The following MAMLD1 variants were observed in gnomAD, a reference collection of about 807,000 sequenced individuals.
The protein encoded by MAMLD1 is mastermind-like domain-containing protein 1.
Under a neutral mutation model 45.0 loss-of-function variants are expected in MAMLD1, and 14 were observed. The observed-to-expected ratio is 0.31, with a 90% CI of 0.21 to 0.49. The LOEUF is 0.49. Ranked by LOEUF, MAMLD1 falls within the 20% of genes least tolerant of loss-of-function variation. The pLI, the probability that MAMLD1 is intolerant of heterozygous loss-of-function variation, is 0.99. For synonymous variants in MAMLD1, 254 were observed against 247.8 expected, an observed-to-expected ratio of 1.02 and a Z score of -0.24; for missense variants, 543 against 603.6, an observed-to-expected ratio of 0.90 and a Z score of 1.05.
chrX:150,449,959 T>A (rs2035609576), intron 2 of MAMLD1, among the ~76,000 whole-genome samples: 1 of 111,831 alleles, frequency 8.9e-6, no homozygotes, highest in African/African-American at 3.3e-5. Context: ...GGGTGGAGAC[T>A]GAGGCTCAGA....
intron 1 of MAMLD1, among the ~76,000 whole-genome samples, chrX:150,440,109 T>A (rs1335307726): frequency 4.5e-5 from 5 of 111,564 alleles, no homozygotes; most frequent in Admixed American, 1.9e-4. Flanking sequence ...TTTGAGGTGA[T>A]CACATGATTT....
intron 5 of MAMLD1, among the ~76,000 whole-genome samples, chrX:150,486,225 A>G (rs2036981998): frequency 8.9e-6 from 1 of 111,841 alleles, no homozygotes; most frequent in Non-Finnish European, 1.9e-5. Context: ...CCTTGTGGGC[A>G]CAAGATAGTG....
rs1174092962 is a variant in MAMLD1 at position 150,430,019 on chromosome X, C to CTTTTTTTTTTTTTTT, written c.-63-15425_-63-15411dup. Reference sequence around the variant, plus strand: ...CCATTTTCTTTTCTTTCTTTCTTTTCTTTTTTTTTTTTTTTTTTTTTTTTG... The same window carrying CTTTTTTTTTTTTTTT: ...CCATTTTCTTTTCTTTCTTTCTTTTCTTTTTTTTTTTTTTTTTTTTTTTTTTTTTTTTTTTTTTTG... On this transcript the variant is annotated intron_variant, in intron 1 of 7. Coordinates refer to ENST00000370401, the MANE Select transcript of MAMLD1 (RefSeq NM_005491.5). Among the ~76,000 whole-genome samples, 162 of 49,196 alleles carry CTTTTTTTTTTTTTTT rather than the reference C, an allele frequency of 3.3e-3. 2 individuals are homozygous for CTTTTTTTTTTTTTTT. The highest frequency in any genetic ancestry group is 4.2e-3 in the Non-Finnish European group (126 of 30,017). The allele number at this position is 49,196 out of a possible 115,157, so 42.7% of individuals were successfully genotyped here.
chrX:150,499,099 G>A (rs1049045469), intron 5 of MAMLD1, among the ~76,000 whole-genome samples: 7 of 111,934 alleles, frequency 6.3e-5, no homozygotes, highest in African/African-American at 1.3e-4. Context: ...AACAACGGAG[G>A]TTGGCTTCTG....
intron 2 of MAMLD1, among the ~76,000 whole-genome samples, chrX:150,452,851 T>G (rs1431679018): frequency 9.7e-6 from 1 of 103,475 alleles, no homozygotes; most frequent in African/African-American, 3.5e-5. Flanking sequence ...GAATATGCGG[T>G]GTTTGGTTTT....
chrX:150,507,951 T>A (rs781814904), intron 6 of MAMLD1, among the ~76,000 whole-genome samples: 2 of 112,238 alleles, frequency 1.8e-5, no homozygotes, highest in South Asian at 7.4e-4. Flanking sequence ...GGGATGGAGT[T>A]AAGGACCGTT....
At chrX:150,493,929 C>G (rs1007314178) in intron 5 of MAMLD1, among the ~76,000 whole-genome samples, 1 of 110,809 alleles carries the variant, frequency 9.0e-6, no homozygotes, top group South Asian at 3.8e-4. Flanking sequence ...AATCCAGAAA[C>G]AACTACTGTG....
intron 1 of MAMLD1, among the ~76,000 whole-genome samples, chrX:150,398,349 G>GAAGAA (rs2033601167): frequency 1.1e-5 from 1 of 87,304 alleles, no homozygotes; most frequent in African/African-American, 5.0e-5. Flanking sequence ...AAGAGGAAGA[G>GAAGAA]GAAGAGGAAG....
chrX:150,431,420 TA>T lies in MAMLD1; in HGVS notation c.-63-14025del, dbSNP rs367701713. On this transcript the variant is annotated intron_variant, in intron 1 of 7. Transcript: ENST00000370401. The stretch of plus-strand genomic sequence containing the variant: ...CTTGTTTTTTTTTTTTTCTACTTTT[TA>T]AAAAAAAATTAGGTCAAGGGGTACA... Among the ~76,000 whole-genome samples the T allele has an allele frequency of 6.3e-3, 681 of 108,275 alleles. 10 individuals carry two copies. Among genetic ancestry groups the T allele is most frequent in the African/African-American group, 0.022 (650 of 29,680 alleles). 94.0% of individuals were successfully genotyped at this position (108,275 alleles called of 115,157 possible).
At chrX:150,402,747 C>A (rs801220) in intron 1 of MAMLD1, among the ~76,000 whole-genome samples, 66 of 111,785 alleles carry the variant, frequency 5.9e-4, no homozygotes, top group African/African-American at 1.1e-3. Flanking sequence ...CAGCCATAAA[C>A]AATGATGAGT....
intron 1 of MAMLD1, among the ~76,000 whole-genome samples, chrX:150,392,581 A>C (rs1378327746): frequency 9.1e-6 from 1 of 110,059 alleles, no homozygotes; most frequent in African/African-American, 3.3e-5. Flanking sequence ...ATCTGCTTAC[A>C]TGAGAATTGG....
chrX:150,386,095 A>G (rs1362216459), intron 1 of MAMLD1, among the ~76,000 whole-genome samples: 2 of 79,275 alleles, frequency 2.5e-5, no homozygotes, highest in African/African-American at 1.2e-4. Context: ...GAAATCCTTC[A>G]ACACCCATCT....
At chrX:150,500,903 A>AT (rs200756200) in intron 5 of MAMLD1, among the ~76,000 whole-genome samples, 1,405 of 111,931 alleles carry the variant, frequency 0.013, 21 homozygotes, top group African/African-American at 0.042. Context: ...TCTTTTATTT[A>AT]TTTTTTGTGT....
At chrX:150,507,284 A>G (rs1210338491) in intron 6 of MAMLD1, among the ~76,000 whole-genome samples, 1 of 112,450 alleles carries the variant, frequency 8.9e-6, no homozygotes, top group Non-Finnish European at 1.9e-5. Flanking sequence ...ACCATTTGTC[A>G]TTTCCTGTTT....
At chrX:150,454,522 C>T (rs1468243395) in intron 2 of MAMLD1, among the ~76,000 whole-genome samples, 2 of 111,883 alleles carry the variant, frequency 1.8e-5, no homozygotes, top group Admixed American at 9.4e-5. Context: ...CCCGGTAATT[C>T]AGTTTCAGTT....
At chrX:150,391,824 A>G (rs1346411420) in intron 1 of MAMLD1, among the ~76,000 whole-genome samples, 1 of 111,843 alleles carries the variant, frequency 8.9e-6, no homozygotes, top group Non-Finnish European at 1.9e-5. Flanking sequence ...TTTGGATGGT[A>G]TTCAATTTTA....
At chrX:150,452,958 C>A (rs1305849344) in intron 2 of MAMLD1, among the ~76,000 whole-genome samples, 2 of 111,008 alleles carry the variant, frequency 1.8e-5, no homozygotes, top group African/African-American at 6.6e-5. Context: ...AACGGGCGCA[C>A]AATGAGAAGT....
At chrX:150,432,215 G>T (rs781958618) in intron 1 of MAMLD1, among the ~76,000 whole-genome samples, 1 of 111,637 alleles carries the variant, frequency 9.0e-6, no homozygotes, top group South Asian at 3.7e-4. Context: ...TTTGCCACAT[G>T]TATGACTTCT....
chrX:150,362,943 G>A (rs72612713), upstream of MAMLD1: 2,171 of 112,937 alleles, frequency 0.019, 47 homozygotes, highest in East Asian at 0.14. Flanking sequence ...GCCCTGGTTC[G>A]AGCCGACTGG....
Sources: gnomAD v4.1 joint callset for allele counts (sites outside exome capture counted in the v4.1 genomes callset) on GRCh38, gnomAD v4.1.1 for gene constraint, MANE v1.5 for transcripts, NCBI Gene and HGNC (gene_info 2026-07-23, HGNC 2026-07-21) for gene names.